The following FAT1 variants were observed in gnomAD, a reference collection of about 807,000 sequenced individuals.
The protein encoded by FAT1 is FAT atypical cadherin 1, also known as protocadherin Fat 1.
FAT1 carries 171 observed loss-of-function variants against 329.8 expected under a neutral mutation model. That is an observed-to-expected ratio of 0.52 (90% CI 0.46 to 0.59). The LOEUF is 0.59. Among genes scored for constraint, FAT1 ranks in the 20% least tolerant of loss-of-function variants. The pLI is 0.00. For missense variants in FAT1, 5,672 were observed against 5,774.4 expected (o/e 0.98, Z 0.57); for synonymous variants, 2,233 against 2,228.6 (o/e 1.00, Z -0.06).
chr4:186,599,599 G>A (rs369841249), intron 22 of FAT1, among the ~76,000 whole-genome samples: 1 of 152,172 alleles, frequency 6.6e-6, no homozygotes, highest in Non-Finnish European at 1.5e-5. Flanking sequence ...CCCCTGGGCC[G>A]ATGACTATGG....
In FAT1 at chr4:186,598,141, G is replaced by C. The variant is rs1306311536; in HGVS notation, c.12104-16C>G. On this transcript the variant is annotated splice_polypyrimidine_tract_variant and intron_variant, in intron 22 of 26. Transcript: ENST00000441802. ...CAGTAATAACCTAAATCGGCAAAAA[G>C]GAACAAAAAAGTCCTATCACTCAAT... 6.3e-7 allele frequency: 1 copy of C among 1,579,860 alleles called. No homozygotes were observed. Among genetic ancestry groups the C allele is most frequent in the Non-Finnish European group, 8.6e-7 (1 of 1,167,510 alleles).
chr4:186,599,875 G>A (rs2126408885), intron 22 of FAT1, 23 bp downstream of exon 22: 1 of 1,573,230 alleles, frequency 6.4e-7, no homozygotes, highest in Non-Finnish European at 8.7e-7. Flanking sequence ...GCATTTTAAA[G>A]ATGGCAACAT....
Position 186,588,738 on chromosome 4 carries a change from C to G in FAT1, c.13621G>C (p.Ala4541Pro), listed in dbSNP as rs1213706003. The change falls in exon 27 of 27, where the codon GCC becomes CCC. Residue 4541 changes from alanine to proline, a missense_variant. By Grantham distance (27) the Ala-to-Pro change is conservative (BLOSUM62 -1). Transcript: ENST00000441802. ...AVESMPMSVY[A>P]STASCSDVSA... ...ACGTCAGAGCAGGAGGCGGTGGAGG[C>G]GTACACAGACATGGGCATGCTCTCG... 19 of 1,613,936 alleles carry G rather than the reference C, an allele frequency of 1.2e-5. No homozygotes were observed. Among genetic ancestry groups the G allele is most frequent in the Non-Finnish European group, 1.6e-5 (19 of 1,179,874 alleles).
intron 14 of FAT1, 98 bp downstream of exon 14, chr4:186,611,288 T>C: frequency 9.1e-7 from 1 of 1,099,858 alleles, no homozygotes; most frequent in Non-Finnish European, 1.3e-6. Flanking sequence ...GAACATCTAC[T>C]GACAACACAG....
In FAT1 at chr4:186,600,369, A is replaced by C; in HGVS notation, c.11641-9T>G. On this transcript the variant is annotated splice_polypyrimidine_tract_variant and intron_variant, in intron 21 of 26. Coordinates refer to ENST00000441802, the MANE Select transcript of FAT1 (RefSeq NM_005245.4). Reference sequence around the variant, plus strand: ...AGCCTTCCATGATGAATCTAGGATAAAAGCAATGACTGTTCACATTACTCT... The same window carrying C: ...AGCCTTCCATGATGAATCTAGGATACAAGCAATGACTGTTCACATTACTCT... 6.2e-7 allele frequency: 1 copy of C among 1,600,830 alleles called. No individual in the cohort carries two copies. The highest frequency in any genetic ancestry group is 1.7e-4 in the Middle Eastern group (1 of 6,036).
At position 186,596,603 on chromosome 4, in the gene FAT1, G is replaced by T. The variant is rs749539438; in HGVS notation, c.12937C>A (p.Pro4313Thr). 1.2e-6 allele frequency: 2 copies of T among 1,612,650 alleles called. No individual in the cohort carries two copies. The highest frequency in any genetic ancestry group is 1.7e-6 in the Non-Finnish European group (2 of 1,179,450). The change falls in exon 25 of 27, where the codon CCT becomes ACT. Residue 4313 changes from proline to threonine, a missense_variant. Coordinates refer to ENST00000441802, the MANE Select transcript of FAT1 (RefSeq NM_005245.4). The surrounding 1 kb of genome is among the most constrained non-coding windows in gnomAD (Gnocchi z 4.7). ...SVAPNLPPPPPSNSPSDSDSI... is the reference protein window; with the variant it reads ...SVAPNLPPPPTSNSPSDSDSI... ...TCGCTGTCAGAAGGGGAGTTTGAAGGGGGTGGGGGAGGCAGGTTTGGCGCC... is the reference window on the plus strand; with the variant it reads ...TCGCTGTCAGAAGGGGAGTTTGAAGTGGGTGGGGGAGGCAGGTTTGGCGCC...
At chr4:186,597,847 C>T in intron 23 of FAT1, 55 bp from the exon 24 acceptor site, 1 of 1,572,916 alleles carries the variant, frequency 6.4e-7, no homozygotes. Flanking sequence ...CAAATAAATA[C>T]AGCAAAACAG....
At chr4:186,628,413 C>G (rs2126543709) in intron 8 of FAT1, 49 bp from the exon 9 acceptor site, 5 of 1,609,408 alleles carry the variant, frequency 3.1e-6, no homozygotes, top group Non-Finnish European at 4.3e-6. Flanking sequence ...TTCCTTATAA[C>G]TAATTAAAAA....
chr4:186,596,522 T>C lies in FAT1; in HGVS notation c.13000+18A>G. ...TATCTCAAGTGACACTTTAGTGAGA[T>C]GAAAAAGTGGCTCTTACTGTCATAG... On this transcript the variant is annotated intron_variant, in intron 25 of 26. Coordinates refer to ENST00000441802, the MANE Select transcript of FAT1 (RefSeq NM_005245.4). The surrounding 1 kb of genome is among the most constrained non-coding windows in gnomAD (Gnocchi z 4.7). 3 of 1,601,602 alleles carry C rather than the reference T, an allele frequency of 1.9e-6. No homozygotes were observed. Among genetic ancestry groups the C allele is most frequent in the Non-Finnish European group, 2.6e-6 (3 of 1,175,374 alleles).
In FAT1 at chr4:186,618,626, C is replaced by G. The variant is rs779677759; in HGVS notation, c.7960G>C (p.Val2654Leu). 3 of 1,614,036 alleles carry G rather than the reference C, an allele frequency of 1.9e-6. No homozygotes were observed. The Admixed American group carries it at 5.0e-5, about 27-fold the overall frequency. Residue 2654 changes from valine to leucine, a missense_variant, in exon 10 of 27, where the codon GTA (valine) becomes CTA (leucine). Physicochemically the swap from Val to Leu is conservative, Grantham distance 32 (BLOSUM62 1). Around this residue, in one of 2 missense-constraint regions of FAT1, gnomAD observed 3,966 missense variants for 3,915.2 expected, o/e 1.01. Transcript: ENST00000441802. ...ENLEINKLSG[V>L]ITTKESLIGL... The stretch of plus-strand genomic sequence containing the variant: ...ATGAGGCTCTCCTTTGTAGTGATTA[C>G]GCCGGACAGTTTGTTAATTTCCAAA...
At chr4:186,641,938 A>T (rs1741115328) in intron 3 of FAT1, among the ~76,000 whole-genome samples, 1 of 151,714 alleles carries the variant, frequency 6.6e-6, no homozygotes, top group Admixed American at 6.6e-5. Flanking sequence ...ACCTGGGAAG[A>T]GGAGGCCACA....
At chr4:186,634,290 C>T (rs574689337) in intron 6 of FAT1, among the ~76,000 whole-genome samples, 12 of 152,118 alleles carry the variant, frequency 7.9e-5, no homozygotes, top group Non-Finnish European at 1.3e-4. Flanking sequence ...TTAATTAGTC[C>T]TGGCTACTAT....
chr4:186,629,180 A>C (rs1369463990), intron 7 of FAT1, among the ~76,000 whole-genome samples: 1 of 152,212 alleles, frequency 6.6e-6, no homozygotes, highest in Admixed American at 6.5e-5. Context: ...CACTGAGGTA[A>C]GACAGATGAT....
chr4:186,672,832 G>A (rs1394039266), intron 2 of FAT1, among the ~76,000 whole-genome samples: 4 of 152,144 alleles, frequency 2.6e-5, no homozygotes, highest in Non-Finnish European at 4.4e-5. Context: ...AGATTAAGGG[G>A]CAACTGAACA....
intron 26 of FAT1, among the ~76,000 whole-genome samples, chr4:186,589,653 C>G (rs546040554): frequency 9.6e-4 from 146 of 152,252 alleles, no homozygotes; most frequent in Non-Finnish European, 1.8e-3. Context: ...ATCTGCACTA[C>G]TTCTCATTAA....
intron 1 of FAT1, among the ~76,000 whole-genome samples, chr4:186,721,355 T>C (rs1372092471): frequency 1.3e-5 from 2 of 152,224 alleles, no homozygotes; most frequent in Non-Finnish European, 2.9e-5. Flanking sequence ...TTCCTGATCT[T>C]AACTGATGTA....
chr4:186,720,662 G>A (rs1745433027), intron 1 of FAT1, among the ~76,000 whole-genome samples: 1 of 152,290 alleles, frequency 6.6e-6, no homozygotes, highest in East Asian at 1.9e-4. Flanking sequence ...AAGAGACTGT[G>A]TACTTGTCCT....
intron 2 of FAT1, among the ~76,000 whole-genome samples, chr4:186,669,745 C>T (rs143616085): frequency 6.6e-6 from 1 of 152,268 alleles, no homozygotes; most frequent in East Asian, 1.9e-4. Context: ...ATAGAGCTCA[C>T]AGCAAAATTT....
At chr4:186,651,646 C>T (rs186371178) in intron 3 of FAT1, among the ~76,000 whole-genome samples, 1 of 152,272 alleles carries the variant, frequency 6.6e-6, no homozygotes, top group African/African-American at 2.4e-5. Flanking sequence ...ACATGCAGAG[C>T]CGACAAGCCG....
Sources: gnomAD v4.1 joint callset for allele counts (sites outside exome capture counted in the v4.1 genomes callset) on GRCh38, gnomAD v4.1.1 for gene constraint, gnomAD v4.1.1 regional missense constraint, Gnocchi (gnomAD v3.1) non-coding constraint, MANE v1.5 for transcripts, NCBI Gene and HGNC (gene_info 2026-07-23, HGNC 2026-07-21) for gene names.